The following FGF12 variants were observed in gnomAD, a reference collection of about 807,000 sequenced individuals.
FGF12 encodes fibroblast growth factor 12B.
A neutral mutation model predicts 23.6 loss-of-function variants in FGF12; 14 were observed. The ratio of observed to expected loss-of-function variants is 0.59; its 90% CI spans 0.39 to 0.93. The LOEUF is 0.93. Among genes scored for constraint, FGF12 ranks in the 40% least tolerant of loss-of-function variants. FGF12 has a pLI of 0.00. For missense variants in FGF12, 175 were observed against 217.8 expected (o/e 0.80, Z 1.24); for synonymous variants, 62 against 77.3 (o/e 0.80, Z 1.04).
intron 4 of FGF12, among the ~76,000 whole-genome samples, chr3:192,234,649 T>G (rs1398260237): frequency 1.3e-5 from 2 of 152,200 alleles, no homozygotes; most frequent in African/African-American, 4.8e-5. Flanking sequence ...CTTTTGTCCC[T>G]CCAGTATGAT....
chr3:192,277,671 G>A (rs563685242), intron 4 of FGF12, among the ~76,000 whole-genome samples: 6 of 152,266 alleles, frequency 3.9e-5, no homozygotes, highest in East Asian at 3.9e-4. Context: ...TCCTCCTTGC[G>A]TGTATTCAGA....
chr3:192,194,886 TTAAC>T (rs1716982959), intron 4 of FGF12, among the ~76,000 whole-genome samples: 1 of 152,218 alleles, frequency 6.6e-6, no homozygotes, highest in African/African-American at 2.4e-5. Context: ...AAGGCTTAAT[TTAAC>T]TAATTTATAT....
At chr3:192,672,059 C>A (rs1185149506) in intron 2 of FGF12, among the ~76,000 whole-genome samples, 3 of 152,226 alleles carry the variant, frequency 2.0e-5, no homozygotes, top group African/African-American at 7.2e-5. Context: ...ACAGCCAAGC[C>A]AGCACTAGAG....
chr3:192,501,045 C>G (rs918153242), intron 2 of FGF12, among the ~76,000 whole-genome samples: 1 of 152,106 alleles, frequency 6.6e-6, no homozygotes, highest in Non-Finnish European at 1.5e-5. Flanking sequence ...GCATACATTT[C>G]AAAAACACAA....
At chr3:192,327,820 C>T (rs909423388) in intron 4 of FGF12, among the ~76,000 whole-genome samples, 2 of 152,032 alleles carry the variant, frequency 1.3e-5, no homozygotes, top group Non-Finnish European at 2.9e-5. Flanking sequence ...TCACCTCAGC[C>T]TCCTATGTAG....
At chr3:192,642,999 C>T (rs1454440206) in intron 2 of FGF12, among the ~76,000 whole-genome samples, 2 of 152,208 alleles carry the variant, frequency 1.3e-5, no homozygotes, top group Non-Finnish European at 2.9e-5. Context: ...CGTTTTCTTA[C>T]CAGCAGCAAA....
intron 3 of FGF12, among the ~76,000 whole-genome samples, chr3:192,359,960 T>TATAC (rs1365743362): frequency 1.3e-5 from 2 of 151,660 alleles, no homozygotes; most frequent in East Asian, 3.9e-4. Context: ...TATATATATA[T>TATAC]ACATACACAT....
chr3:192,370,265 A>C (rs537226215), intron 2 of FGF12, among the ~76,000 whole-genome samples: 28 of 152,318 alleles, frequency 1.8e-4, no homozygotes, highest in Non-Finnish European at 3.5e-4. Context: ...TTTTAAATCT[A>C]CAGCCTTCAT....
chr3:192,207,344 T>A (rs534804856), intron 4 of FGF12, among the ~76,000 whole-genome samples: 1 of 152,322 alleles, frequency 6.6e-6, no homozygotes, highest in East Asian at 1.9e-4. Context: ...TAAAATGTAA[T>A]GAGTTCTCTC....
chr3:192,594,779 C>A (rs1713772453), intron 2 of FGF12, among the ~76,000 whole-genome samples: 1 of 151,872 alleles, frequency 6.6e-6, no homozygotes, highest in African/African-American at 2.4e-5. Flanking sequence ...CCAGACGCAA[C>A]CCCTCAGTCT....
intron 5 of FGF12, among the ~76,000 whole-genome samples, chr3:192,156,515 G>A (rs1714429685): frequency 6.7e-6 from 1 of 150,210 alleles, no homozygotes; most frequent in African/African-American, 2.5e-5. Flanking sequence ...CAAATTTCAA[G>A]GATGTTCAGT....
In FGF12 at chr3:192,649,503, G is replaced by A. The variant is rs979050032; in HGVS notation, c.13+77678C>T. 5.3e-5 allele frequency among the ~76,000 whole-genome samples: 8 copies of A among 151,924 alleles called. No homozygotes were observed. In the East Asian group the frequency reaches 5.8e-4, roughly 11 times the overall value. On this transcript the variant is annotated intron_variant, in intron 2 of 5. Coordinates refer to ENST00000445105, the MANE Select transcript of FGF12 (RefSeq NM_004113.6). ...AACTTTGAGTTGTAATAAATATATC[G>A]AGTTTTCTGTGTTACTAAAATTACA...
intron 2 of FGF12, among the ~76,000 whole-genome samples, chr3:192,583,304 G>A (rs556329555): frequency 2.6e-5 from 4 of 152,236 alleles, no homozygotes; most frequent in Non-Finnish European, 4.4e-5. Flanking sequence ...TCAGATGAGC[G>A]ATGCGAATCG....
At chr3:192,555,888 G>C (rs1462215157) in intron 2 of FGF12, among the ~76,000 whole-genome samples, 1 of 152,090 alleles carries the variant, frequency 6.6e-6, no homozygotes, top group Non-Finnish European at 1.5e-5. Context: ...GATACCATGG[G>C]GAGGAGACGT....
At chr3:192,225,089 A>G (rs917747563) in intron 4 of FGF12, among the ~76,000 whole-genome samples, 2 of 152,052 alleles carry the variant, frequency 1.3e-5, no homozygotes, top group Non-Finnish European at 2.9e-5. Flanking sequence ...TTCAAGGCTG[A>G]AATTTCACAT....
intron 2 of FGF12, among the ~76,000 whole-genome samples, chr3:192,712,481 T>C (rs1718723190): frequency 6.6e-6 from 1 of 150,848 alleles, no homozygotes. Context: ...GAAAAAAGAA[T>C]AGACACTAAA....
chr3:192,647,734 C>T (rs534094928), intron 2 of FGF12, among the ~76,000 whole-genome samples: 1 of 144,792 alleles, frequency 6.9e-6, no homozygotes, highest in Non-Finnish European at 1.5e-5. Context: ...CACATATATA[C>T]ATACATGTAT....
chr3:192,358,852 T>A (rs1233537826), intron 3 of FGF12, among the ~76,000 whole-genome samples: 2 of 152,324 alleles, frequency 1.3e-5, no homozygotes, highest in Middle Eastern at 3.4e-3. Context: ...AGATGGACGA[T>A]GCTGACAGGG....
At position 192,485,572 on chromosome 3, in the gene FGF12, T is replaced by C. The variant is rs147870067; in HGVS notation, c.14-125034A>G. On this transcript the variant is annotated intron_variant, in intron 2 of 5. Coordinates refer to ENST00000445105, the MANE Select transcript of FGF12 (RefSeq NM_004113.6). ...CCAGCAATTAGTTGATAAAACATTT[T>C]AATGTAGTTTTCAGTAATGCTGTCT... 8.2e-3 allele frequency among the ~76,000 whole-genome samples: 1,251 copies of C among 152,294 alleles called. 22 individuals are homozygous for C. The highest frequency in any genetic ancestry group is 0.071 in the South Asian group (342 of 4,822).
Sources: gnomAD v4.1 joint callset for allele counts (sites outside exome capture counted in the v4.1 genomes callset) on GRCh38, gnomAD v4.1.1 for gene constraint, MANE v1.5 for transcripts, NCBI Gene and HGNC (gene_info 2026-07-23, HGNC 2026-07-21) for gene names.